ROBO2: variants seen among roughly 807,000 people sequenced by gnomAD.
ROBO2 encodes the protein roundabout homolog 2.
In ROBO2, 53 loss-of-function variants were observed where a neutral mutation model predicts 160.8. The ratio of observed to expected loss-of-function variants is 0.33; its 90% confidence interval spans 0.26 to 0.41. ROBO2 has a LOEUF of 0.41. Among genes scored for constraint, ROBO2 ranks in the 10% least tolerant of loss-of-function variants. ROBO2 has a pLI of 1.00. For missense variants in ROBO2, 1,577 were observed against 1,722.4 expected, an observed-to-expected ratio of 0.92 and a Z score of 1.49; for synonymous variants, 664 against 611.7, an observed-to-expected ratio of 1.09 and a Z score of -1.26.
At chr3:76,320,813 G>T (rs1283465960) in intron 2 of ROBO2, among the ~76,000 whole-genome samples, 1 of 152,158 alleles carries the variant, frequency 6.6e-6, no homozygotes, top group Non-Finnish European at 1.5e-5. Context: ...TAATGAGTAG[G>T]ACTTAATGCA....
chr3:76,210,090 CAGATATTTGCATGTTACAGGAATGACAA>C (rs1703049906), intron 2 of ROBO2, among the ~76,000 whole-genome samples: 1 of 152,028 alleles, frequency 6.6e-6, no homozygotes, highest in South Asian at 2.1e-4. Context: ...ATGAAAACTG[CAGATATTTGCATGTTACAGGAATGACAA>C]AGAACTCTCC....
intron 21 of ROBO2, among the ~76,000 whole-genome samples, chr3:77,609,479 A>G (rs183754719): frequency 1.3e-5 from 2 of 152,164 alleles, no homozygotes; most frequent in Admixed American, 6.5e-5. Flanking sequence ...AGTGCTGTTA[A>G]AGCTTTATAT....
intron 2 of ROBO2, among the ~76,000 whole-genome samples, chr3:76,313,745 TA>T (rs552045767): frequency 5.5e-4 from 84 of 152,328 alleles, no homozygotes; most frequent in African/African-American, 2.0e-3. Context: ...TCTTCCGAGT[TA>T]TTTTTTTTTT....
At chr3:76,211,134 A>G (rs1202046734) in intron 2 of ROBO2, among the ~76,000 whole-genome samples, 1 of 152,058 alleles carries the variant, frequency 6.6e-6, no homozygotes, top group Non-Finnish European at 1.5e-5. Context: ...ACACCAGCCT[A>G]GGACACTGAC....
intron 2 of ROBO2, among the ~76,000 whole-genome samples, chr3:76,842,031 A>T (rs2068325979): frequency 6.6e-6 from 1 of 152,234 alleles, no homozygotes; most frequent in South Asian, 2.1e-4. Flanking sequence ...CAGCAAGGGG[A>T]AAGTTGTGTT....
At chr3:76,565,185 A>G (rs1404047165) in intron 2 of ROBO2, among the ~76,000 whole-genome samples, 2 of 152,326 alleles carry the variant, frequency 1.3e-5, no homozygotes, top group East Asian at 1.9e-4. Flanking sequence ...TGAGATTTCA[A>G]TGCCTTAAGC....
intron 2 of ROBO2, among the ~76,000 whole-genome samples, chr3:76,120,328 T>C (rs1324707814): frequency 6.6e-6 from 1 of 152,074 alleles, no homozygotes; most frequent in East Asian, 1.9e-4. Flanking sequence ...TGTTAATCTT[T>C]ATTGCTGTCA....
chr3:76,660,357 C>T (rs1323333376), intron 2 of ROBO2, among the ~76,000 whole-genome samples: 1 of 152,128 alleles, frequency 6.6e-6, no homozygotes, highest in Non-Finnish European at 1.5e-5. Flanking sequence ...ATAGTAGCAA[C>T]AGTGAATTGA....
chr3:77,084,506 T>G (rs989043325), intron 1 of ROBO2, among the ~76,000 whole-genome samples: 8 of 152,132 alleles, frequency 5.3e-5, no homozygotes, highest in Non-Finnish European at 1.2e-4. Context: ...CCTGCCAGCA[T>G]TTTTCTTTCC....
intron 1 of ROBO2, among the ~76,000 whole-genome samples, chr3:75,909,823 T>A (rs1946491896): frequency 6.6e-6 from 1 of 152,182 alleles, no homozygotes; most frequent in Non-Finnish European, 1.5e-5. Flanking sequence ...GAGAGGGAGA[T>A]AAGAGAGATG....
rs1322495588 is a variant in ROBO2 at position 76,272,958 on chromosome 3, ATAT to A, written c.109+335358_109+335360del. Among the ~76,000 whole-genome samples, 8 of 23,582 alleles carry A rather than the reference ATAT, an allele frequency of 3.4e-4. 1 individual carries two copies. Among genetic ancestry groups the A allele is most frequent in the Non-Finnish European group, 9.7e-4 (6 of 6,202 alleles). The allele number at this position is 23,582 out of a possible 152,430, so 15.5% of individuals were successfully genotyped here. A position where few individuals can be genotyped will look rare whatever the true frequency, so the allele number is the denominator to read the frequency against. ...TATAAATATATAAAATATATAATAT[ATAT>A]TTATATATAAAATATATATAATATA... On this transcript the variant is annotated intron_variant, in intron 2 of 26. Coordinates refer to the ROBO2 transcript ENST00000487694.
chr3:76,461,358 T>G (rs2078077965), intron 2 of ROBO2, among the ~76,000 whole-genome samples: 1 of 152,196 alleles, frequency 6.6e-6, no homozygotes, highest in African/African-American at 2.4e-5. Context: ...GCACTGGGGT[T>G]ACAATTCAAC....
chr3:77,404,473 A>C (rs2076095506), intron 2 of ROBO2, among the ~76,000 whole-genome samples: 3 of 152,232 alleles, frequency 2.0e-5, no homozygotes, highest in Admixed American at 2.0e-4. Flanking sequence ...ACAAAGGATC[A>C]TAAAGGTCAG....
intron 2 of ROBO2, among the ~76,000 whole-genome samples, chr3:76,634,854 C>A (rs541607140): frequency 6.6e-6 from 1 of 152,228 alleles, no homozygotes; most frequent in African/African-American, 2.4e-5. Flanking sequence ...GGCCCACAAG[C>A]ATTACCTCCA....
chr3:76,364,922 A>T (rs984281281), intron 2 of ROBO2, among the ~76,000 whole-genome samples: 1 of 152,058 alleles, frequency 6.6e-6, no homozygotes, highest in African/African-American at 2.4e-5. Flanking sequence ...AAGACTCTCT[A>T]CCTGTTTTCC....
intron 2 of ROBO2, among the ~76,000 whole-genome samples, chr3:76,955,888 C>CAAAAAAAA (rs35674535): frequency 2.4e-5 from 3 of 124,078 alleles, no homozygotes; most frequent in South Asian, 2.5e-4. Flanking sequence ...GAGACTCCGT[C>CAAAAAAAA]AAAAAAAAAA....
At chr3:76,332,344 C>A (rs1000949215) in intron 2 of ROBO2, among the ~76,000 whole-genome samples, 3 of 152,162 alleles carry the variant, frequency 2.0e-5, no homozygotes, top group African/African-American at 7.2e-5. Context: ...ATTTAGTACC[C>A]TTTCACATAT....
At chr3:77,401,077 A>C (rs1019878871) in intron 2 of ROBO2, among the ~76,000 whole-genome samples, 17 of 152,114 alleles carry the variant, frequency 1.1e-4, no homozygotes, top group African/African-American at 4.1e-4. Context: ...GAAGCCATGA[A>C]CATAGAGGAT....
At chr3:77,438,910 G>GT (rs2079613479) in intron 2 of ROBO2, among the ~76,000 whole-genome samples, 1 of 151,950 alleles carries the variant, frequency 6.6e-6, no homozygotes, top group South Asian at 2.1e-4. Flanking sequence ...AAGTGAAGTA[G>GT]TTTTTTTGAG....
Sources: allele counts gnomAD v4.1 joint callset (sites outside exome capture counted in the v4.1 genomes callset), GRCh38; gene constraint gnomAD v4.1.1; transcripts MANE v1.5; gene names NCBI Gene and HGNC (gene_info 2026-07-23, HGNC 2026-07-21).